ZFP82: variants seen among roughly 807,000 people sequenced by gnomAD.
ZFP82 encodes zinc finger protein 82 homolog.
A neutral mutation model predicts 54.0 loss-of-function variants in ZFP82; 30 were observed. The observed-to-expected ratio is 0.56, with a 90% CI of 0.42 to 0.75. The LOEUF (loss-of-function observed/expected upper bound fraction) is 0.75. Among genes scored for constraint, ZFP82 ranks in the 30% least tolerant of loss-of-function variants. The pLI is 0.00. For synonymous variants in ZFP82, 194 were observed against 209.5 expected (o/e 0.93, Z 0.64); for missense variants, 500 against 636.8 (o/e 0.79, Z 2.31).
chr19:36,403,036 G>T (rs1012521329), intron 4 of ZFP82, among the ~76,000 whole-genome samples: 1 of 151,966 alleles, frequency 6.6e-6, no homozygotes, highest in African/African-American at 2.4e-5. Context: ...CCAGCTTCTC[G>T]GGAGGCTGAG....
chr19:36,393,113 A>C lies in ZFP82; in HGVS notation c.1227T>G (p.Leu409=). 6.2e-7 allele frequency: 1 copy of C among 1,613,850 alleles called. No homozygotes were observed. Among genetic ancestry groups the C allele is most frequent in the Non-Finnish European group, 8.5e-7 (1 of 1,179,950 alleles). Residue 409 remains leucine, a synonymous_variant, in exon 5 of 5, where the codon CTT becomes CTG. Coordinates refer to ENST00000392161, the MANE Select transcript of ZFP82 (RefSeq NM_133466.4). The stretch of plus-strand genomic sequence containing the variant: ...CAATATGAATACTCTGATGTGAAAT[A>C]AGTTGTGAGTAGCGACTAAAGGCTT... ...CWKAFSRYSQ[L]ISHQSIHIGV... is the part of the protein sequence containing the mutation.
At chr19:36,416,319 G>A (rs2145603862) in intron 1 of ZFP82, among the ~76,000 whole-genome samples, 1 of 152,286 alleles carries the variant, frequency 6.6e-6, no homozygotes, top group East Asian at 1.9e-4. Context: ...AATGGATCAT[G>A]TTTGATAATC....
At chr19:36,396,186 A>G (rs1203830633) in intron 4 of ZFP82, 1 of 151,856 alleles carries the variant, frequency 6.6e-6, no homozygotes, top group African/African-American at 2.4e-5. Flanking sequence ...GATTACAGGC[A>G]TGAGCCAGGC....
intron 1 of ZFP82, among the ~76,000 whole-genome samples, chr19:36,411,424 C>T (rs2032578604): frequency 6.6e-6 from 1 of 151,740 alleles, no homozygotes; most frequent in African/African-American, 2.4e-5. Flanking sequence ...GTACTGATAC[C>T]CATATTTGCA....
At chr19:36,397,377 G>A (rs963970886) in intron 4 of ZFP82, among the ~76,000 whole-genome samples, 2 of 151,974 alleles carry the variant, frequency 1.3e-5, no homozygotes, top group African/African-American at 4.8e-5. Context: ...ACAGGCGTGA[G>A]CCACCGCGCC....
At chr19:36,409,640 T>A in intron 2 of ZFP82, 141 bp downstream of exon 2, 1 of 811,428 alleles carries the variant, frequency 1.2e-6, no homozygotes, top group Non-Finnish European at 2.1e-6. Flanking sequence ...AGGACAAGCA[T>A]TGTGGTTCAC....
At chr19:36,417,752 C>A (rs1180999776) in intron 1 of ZFP82, among the ~76,000 whole-genome samples, 1 of 152,164 alleles carries the variant, frequency 6.6e-6, no homozygotes, top group Non-Finnish European at 1.5e-5. Flanking sequence ...CTGGAGTTCA[C>A]AATAGCTTCC....
At chr19:36,417,108 G>C (rs1370530845) in intron 1 of ZFP82, among the ~76,000 whole-genome samples, 3 of 135,616 alleles carry the variant, frequency 2.2e-5, no homozygotes, top group African/African-American at 8.1e-5. Context: ...AAGAATTCCT[G>C]TTTTAGACTA....
At chr19:36,386,844 G>A (rs1205940695), downstream of ZFP82, among the ~76,000 whole-genome samples, 2 of 152,236 alleles carry the variant, frequency 1.3e-5, no homozygotes, top group African/African-American at 2.4e-5. Flanking sequence ...GCTGAGGCAG[G>A]AGAATCGCTT....
chr19:36,399,819 T>C (rs1327983861), intron 4 of ZFP82, among the ~76,000 whole-genome samples: 3 of 151,970 alleles, frequency 2.0e-5, no homozygotes, highest in Non-Finnish European at 2.9e-5. Context: ...TAGTAAAAAA[T>C]GAAAGAAAAC....
At chr19:36,413,329 TG>T (rs2032611110) in intron 1 of ZFP82, among the ~76,000 whole-genome samples, 1 of 152,092 alleles carries the variant, frequency 6.6e-6, no homozygotes, top group Admixed American at 6.5e-5. Context: ...GAGAATCACT[TG>T]AATCTGGGAG....
rs1026749634 is a variant in ZFP82, at chr19:36,413,897, A to AT, written c.-78-4031dup. Among the ~76,000 whole-genome samples, 14 of 145,608 alleles carry AT rather than the reference A, an allele frequency of 9.6e-5. 1 individual carries two copies. Among genetic ancestry groups the AT allele is most frequent in the Admixed American group, 2.2e-4 (3 of 13,594 alleles). ...TCCACTATTTTAAAAATTATCTTCAATAATTTTTTTTTTTTTTTTTTGAGA... is the reference window on the plus strand; with the variant it reads ...TCCACTATTTTAAAAATTATCTTCAATTAATTTTTTTTTTTTTTTTTTGAGA... On this transcript the variant is annotated intron_variant, in intron 1 of 4. Coordinates refer to ENST00000392161, the MANE Select transcript of ZFP82 (RefSeq NM_133466.4).
chr19:36,395,232 G>A (rs1320940463), intron 4 of ZFP82: 1 of 152,130 alleles, frequency 6.6e-6, no homozygotes, highest in African/African-American at 2.4e-5. Context: ...CATAGCAAAG[G>A]TATTGAGGAG....
chr19:36,415,032 G>A (rs1330416057), intron 1 of ZFP82, among the ~76,000 whole-genome samples: 1 of 152,034 alleles, frequency 6.6e-6, no homozygotes, highest in East Asian at 1.9e-4. Flanking sequence ...TGTTAGTCAG[G>A]CTGGTCTGGA....
intron 4 of ZFP82, among the ~76,000 whole-genome samples, chr19:36,399,642 CTAATT>C (rs1375441073): frequency 2.6e-5 from 4 of 152,090 alleles, no homozygotes; most frequent in Admixed American, 2.0e-4. Flanking sequence ...CTGAAAGTAT[CTAATT>C]TAATTTAATA....
intron 3 of ZFP82, among the ~76,000 whole-genome samples, chr19:36,405,986 C>A (rs979777423): frequency 6.6e-6 from 1 of 152,208 alleles, no homozygotes; most frequent in Non-Finnish European, 1.5e-5. Flanking sequence ...GGGCAAGTTA[C>A]TTCCATGCTA....
intron 4 of ZFP82, chr19:36,394,772 G>A (rs1600099022): frequency 6.6e-6 from 1 of 152,182 alleles, no homozygotes; most frequent in East Asian, 1.9e-4. Flanking sequence ...TTCCTTTAAG[G>A]TTGACCCTAT....
At chr19:36,387,681 A>T (rs958004928), downstream of ZFP82, among the ~76,000 whole-genome samples, 3 of 152,166 alleles carry the variant, frequency 2.0e-5, no homozygotes, top group Non-Finnish European at 4.4e-5. Flanking sequence ...GCAATGGTGC[A>T]ATCTCAGCTC....
chr19:36,396,843 TA>T (rs5827958), intron 4 of ZFP82, among the ~76,000 whole-genome samples: 168 of 141,040 alleles, frequency 1.2e-3, no homozygotes, highest in Admixed American at 2.9e-3. Flanking sequence ...TCTGTTTCTT[TA>T]AAAAAAAAAA....
Sources: allele counts gnomAD v4.1 joint callset (sites outside exome capture counted in the v4.1 genomes callset), GRCh38; gene constraint gnomAD v4.1.1; transcripts MANE v1.5; gene names NCBI Gene and HGNC (gene_info 2026-07-23, HGNC 2026-07-21).